SOX5: variants seen among roughly 807,000 people sequenced by gnomAD.
The protein encoded by SOX5 is transcription factor SOX-5.
Under a neutral mutation model 92.0 loss-of-function variants are expected in SOX5, and 9 were observed. The ratio of observed to expected loss-of-function variants is 0.10; its 90% CI spans 0.06 to 0.17. The LOEUF (loss-of-function observed/expected upper bound fraction) is 0.17, where lower values mean the gene tolerates loss of function less well. Among genes scored for constraint, SOX5 ranks in the 10% least tolerant of loss-of-function variants. SOX5 has a pLI of 1.00. For synonymous variants in SOX5, 344 were observed against 336.3 expected (o/e 1.02, Z -0.25); for missense variants, 642 against 944.5 (o/e 0.68, Z 4.20).
chr12:24,348,573 G>C (rs1396001812), intron 2 of SOX5, among the ~76,000 whole-genome samples: 1 of 151,958 alleles, frequency 6.6e-6, no homozygotes, highest in Non-Finnish European at 1.5e-5. Context: ...AGTAGAGGCG[G>C]TGTTTCACCA....
At chr12:24,407,005 C>T (rs1963106663) in intron 1 of SOX5, among the ~76,000 whole-genome samples, 1 of 151,996 alleles carries the variant, frequency 6.6e-6, no homozygotes, top group Non-Finnish European at 1.5e-5. Context: ...CCTGGTGGTA[C>T]ATCCAGGACT....
At chr12:23,815,672 T>C (rs1042590861) in intron 3 of SOX5, among the ~76,000 whole-genome samples, 2 of 152,176 alleles carry the variant, frequency 1.3e-5, no homozygotes, top group African/African-American at 4.8e-5. Flanking sequence ...GTCTTCATAA[T>C]TCAGTATTTT....
intron 10 of SOX5, among the ~76,000 whole-genome samples, chr12:23,566,705 C>T (rs947790576): frequency 2.6e-5 from 4 of 152,172 alleles, no homozygotes; most frequent in Non-Finnish European, 5.9e-5. Flanking sequence ...ATAGGGATAA[C>T]ACTCACTAGA....
chr12:23,593,702 G>T (rs1592374114), intron 9 of SOX5, among the ~76,000 whole-genome samples: 1 of 152,054 alleles, frequency 6.6e-6, no homozygotes, highest in East Asian at 1.9e-4. Flanking sequence ...TTTTTACCAA[G>T]AAAATAACAT....
intron 1 of SOX5, among the ~76,000 whole-genome samples, chr12:24,498,274 T>C (rs1747133694): frequency 2.0e-5 from 3 of 152,194 alleles, no homozygotes; most frequent in Admixed American, 2.0e-4. Context: ...ATCACCCTTT[T>C]ACTGGTGTGG....
At chr12:24,196,842 G>T (rs1190499426) in intron 4 of SOX5, among the ~76,000 whole-genome samples, 2 of 152,176 alleles carry the variant, frequency 1.3e-5, no homozygotes, top group Non-Finnish European at 1.5e-5. Context: ...GGTGGAGGTT[G>T]CAGTGAGTCG....
intron 4 of SOX5, among the ~76,000 whole-genome samples, chr12:23,752,802 C>T (rs1223380253): frequency 6.6e-6 from 1 of 151,846 alleles, no homozygotes; most frequent in Non-Finnish European, 1.5e-5. Flanking sequence ...TTTTGGGCAG[C>T]TAATCAGTTT....
At chr12:24,454,329 G>C (rs561195128) in intron 1 of SOX5, among the ~76,000 whole-genome samples, 7 of 152,284 alleles carry the variant, frequency 4.6e-5, no homozygotes, top group African/African-American at 1.7e-4. Context: ...AATAAAACAG[G>C]TTAAACTACT....
chr12:23,943,559 A>G (rs1022419386), intron 1 of SOX5, among the ~76,000 whole-genome samples: 1 of 152,134 alleles, frequency 6.6e-6, no homozygotes, highest in African/African-American at 2.4e-5. Flanking sequence ...GAAAAATAAT[A>G]AGAAATAAGC....
At chr12:23,905,882 T>C (rs1275090096) in intron 1 of SOX5, among the ~76,000 whole-genome samples, 1 of 152,198 alleles carries the variant, frequency 6.6e-6, no homozygotes, top group Admixed American at 6.5e-5. Context: ...CCTTCGATCA[T>C]TAAAAATTGT....
chr12:24,314,312 A>G (rs1949493244), intron 2 of SOX5, among the ~76,000 whole-genome samples: 1 of 144,078 alleles, frequency 6.9e-6, no homozygotes, highest in Non-Finnish European at 1.5e-5. Flanking sequence ...ATAGTACTCC[A>G]TGGTGTATAT....
intron 4 of SOX5, among the ~76,000 whole-genome samples, chr12:23,968,060 C>G (rs919108887): frequency 1.3e-5 from 2 of 152,144 alleles, no homozygotes; most frequent in Admixed American, 1.3e-4. Flanking sequence ...ATAGGGCACA[C>G]AATCAGAGAT....
chr12:23,621,319 T>C (rs545428319), intron 8 of SOX5, among the ~76,000 whole-genome samples: 43 of 152,150 alleles, frequency 2.8e-4, no homozygotes, highest in Middle Eastern at 3.4e-3. Flanking sequence ...TAGGAAATAA[T>C]TGATAAATAC....
At chr12:24,432,710 G>T (rs1938593091) in intron 1 of SOX5, among the ~76,000 whole-genome samples, 1 of 152,178 alleles carries the variant, frequency 6.6e-6, no homozygotes, top group South Asian at 2.1e-4. Flanking sequence ...TATTAGGAAG[G>T]CTGAGGCAGA....
chr12:24,435,759 TTTG>T (rs1472688972), intron 1 of SOX5, among the ~76,000 whole-genome samples: 3 of 99,364 alleles, frequency 3.0e-5, no homozygotes, highest in Non-Finnish European at 7.1e-5. Flanking sequence ...GATACTGTGG[TTTG>T]TTTTTTTGTT....
chr12:24,306,707 G>A (rs1480984732), intron 2 of SOX5, among the ~76,000 whole-genome samples: 1 of 152,178 alleles, frequency 6.6e-6, no homozygotes, highest in African/African-American at 2.4e-5. Flanking sequence ...CCAGAGAGGG[G>A]AGAGAAAGGG....
chr12:24,334,357 TA>T (rs1951662376), intron 2 of SOX5, among the ~76,000 whole-genome samples: 1 of 152,066 alleles, frequency 6.6e-6, no homozygotes, highest in African/African-American at 2.4e-5. Context: ...TAATAGGACT[TA>T]AAATCATATT....
chr12:23,674,558 G>A (rs951258350), intron 6 of SOX5, among the ~76,000 whole-genome samples: 5 of 151,514 alleles, frequency 3.3e-5, no homozygotes, highest in Admixed American at 6.6e-5. Flanking sequence ...AGCTGATCTC[G>A]AACTCTTTAC....
rs544965208 is a variant in SOX5, at chr12:24,396,103, A to G, written c.-250-27464T>C. On this transcript the variant is annotated intron_variant, in intron 1 of 4. Coordinates refer to the SOX5 transcript ENST00000446891. ...ACATAATGCATTTGGTTAAGTGTCTAAACTGAAAAGGTACTATTTTATTTT... is the reference window on the plus strand; with the variant it reads ...ACATAATGCATTTGGTTAAGTGTCTGAACTGAAAAGGTACTATTTTATTTT... Among the ~76,000 whole-genome samples the G allele has an allele frequency of 2.0e-5, 3 of 152,356 alleles. No homozygotes were observed. In the East Asian group the frequency reaches 5.8e-4, roughly 29 times the overall value.
Sources: allele counts gnomAD v4.1 joint callset (sites outside exome capture counted in the v4.1 genomes callset), GRCh38; gene constraint gnomAD v4.1.1; transcripts MANE v1.5; gene names NCBI Gene and HGNC (gene_info 2026-07-23, HGNC 2026-07-21).